Variants in CX3CR1 observed in about 807,000 individuals in gnomAD.
CX3CR1 encodes C-X3-C motif chemokine receptor 1.
For missense variants in CX3CR1, 363 were observed against 432.4 expected, an observed-to-expected ratio of 0.84 and a Z score of 1.42; for synonymous variants, 168 against 178.5, an observed-to-expected ratio of 0.94 and a Z score of 0.47.
Position 39,266,272 on chromosome 3 carries a change from A to T in CX3CR1, c.238T>A (p.Phe80Ile), listed in dbSNP as rs747517244. The T allele has an allele frequency of 6.2e-7, 1 of 1,614,236 alleles. No individual in the cohort carries two copies. Among genetic ancestry groups the T allele is most frequent in the Admixed American group, 1.7e-5 (1 of 60,022 alleles). Residue 80 changes from phenylalanine (F) to isoleucine (I), a missense_variant, in exon 2 of 2, where the codon TTT (phenylalanine) becomes ATT (isoleucine). Physicochemically the swap from Phe to Ile is conservative, Grantham distance 21 (BLOSUM62 0). Transcript: ENST00000399220. ...GTCCAGAAGGGCAAAGTGGCTACAA[A>T]CAGCAGATCAGACAAGGCCAGGTTC... Reference protein sequence around the residue: ...LLNLALSDLLFVATLPFWTHY... With the variant: ...LLNLALSDLLIVATLPFWTHY...
At chr3:39,266,614 A>AAAT in intron 1 of CX3CR1, 96 bp from the exon 2 acceptor site, 2 of 1,227,058 alleles carry the variant, frequency 1.6e-6, no homozygotes, top group Non-Finnish European at 2.4e-6. Flanking sequence ...AGGAAGAAAC[A>AAAT]AATATTGGTT....
At chr3:39,278,485 C>T (rs2125556263) in intron 1 of CX3CR1, among the ~76,000 whole-genome samples, 1 of 152,274 alleles carries the variant, frequency 6.6e-6, no homozygotes, top group East Asian at 1.9e-4. Flanking sequence ...TGCCTCCTCT[C>T]AGGAAACCCA....
At chr3:39,287,754 A>AT in the CX3CR1 span, 1 of 152,250 alleles carries the variant, frequency 6.6e-6, no homozygotes, top group Non-Finnish European at 1.5e-5. Flanking sequence ...TTTTACCCAC[A>AT]TGCAAAAGAG....
chr3:39,281,461 CCA>C, upstream of CX3CR1: 2 of 794,956 alleles, frequency 2.5e-6, no homozygotes, highest in South Asian at 1.7e-5. Context: ...TCTTCCTGTC[CCA>C]CACTCTTGAC....
intron 1 of CX3CR1, among the ~76,000 whole-genome samples, chr3:39,268,959 T>C (rs1361821531): frequency 6.6e-6 from 1 of 152,240 alleles, no homozygotes; most frequent in Non-Finnish European, 1.5e-5. Context: ...GACTCCCATG[T>C]TCCACCTCCA....
At chr3:39,270,171 C>T (rs1402145661) in intron 1 of CX3CR1, among the ~76,000 whole-genome samples, 4 of 152,198 alleles carry the variant, frequency 2.6e-5, no homozygotes, top group Non-Finnish European at 4.4e-5. Flanking sequence ...GACTCGATGA[C>T]TATCAAACAG....
chr3:39,283,843 T>TATATATATATATATA (rs1351970787), upstream of CX3CR1, among the ~76,000 whole-genome samples: 5 of 74,126 alleles, frequency 6.7e-5, no homozygotes, highest in Non-Finnish European at 1.1e-4. Flanking sequence ...ATATATATAA[T>TATATATATATATATA]GTGGTTAATA....
chr3:39,290,221 G>T, the CX3CR1 span, among the ~76,000 whole-genome samples: 1 of 152,298 alleles, frequency 6.6e-6, no homozygotes, highest in African/African-American at 2.4e-5. Flanking sequence ...TCTAGATCAG[G>T]CACTGTCAAA....
chr3:39,288,749 T>C, the CX3CR1 span, among the ~76,000 whole-genome samples: 1 of 152,234 alleles, frequency 6.6e-6, no homozygotes. Flanking sequence ...AGTTTTGTGA[T>C]GAGCCAGCCG....
chr3:39,270,756 G>GT (rs1249680324), intron 1 of CX3CR1, among the ~76,000 whole-genome samples: 1 of 152,142 alleles, frequency 6.6e-6, no homozygotes, highest in Non-Finnish European at 1.5e-5. Flanking sequence ...TTTTGGAAAT[G>GT]TTTTTTACCA....
At position 39,274,351 on chromosome 3, in the gene CX3CR1, C is replaced by G. The variant is rs139560717; in HGVS notation, c.-10+5603G>C. ...TAAGGAAACATTTTATACCCCATCC[C>G]CTATGCAAGTAAATTCAGTGACTAT... On this transcript the variant is annotated intron_variant, in intron 1 of 1. Coordinates refer to ENST00000399220, the MANE Select transcript of CX3CR1 (RefSeq NM_001337.4). Among the ~76,000 whole-genome samples, 73 of 152,058 alleles carry G rather than the reference C, an allele frequency of 4.8e-4. No individual in the cohort carries two copies. The East Asian group carries it at 0.014, about 29-fold the overall frequency.
chr3:39,277,534 G>A (rs536352769), intron 1 of CX3CR1, among the ~76,000 whole-genome samples: 1 of 152,190 alleles, frequency 6.6e-6, no homozygotes, highest in Non-Finnish European at 1.5e-5. Context: ...TCCATTACAG[G>A]TGCTGGTTCC....
the CX3CR1 span, chr3:39,287,263 A>G: frequency 6.6e-6 from 1 of 152,128 alleles, no homozygotes; most frequent in African/African-American, 2.4e-5. Context: ...AATCACACTC[A>G]CAGTTTTATC....
At chr3:39,269,379 A>G (rs908213809) in intron 1 of CX3CR1, among the ~76,000 whole-genome samples, 5 of 152,178 alleles carry the variant, frequency 3.3e-5, no homozygotes, top group Non-Finnish European at 7.3e-5. Context: ...AATTTGCACC[A>G]AGTCTCCATA....
chr3:39,290,458 T>G, the CX3CR1 span, among the ~76,000 whole-genome samples: 1 of 152,194 alleles, frequency 6.6e-6, no homozygotes, highest in Non-Finnish European at 1.5e-5. Flanking sequence ...TTTCACTTTC[T>G]TTTTTCATAT....
intron 1 of CX3CR1, among the ~76,000 whole-genome samples, chr3:39,270,340 T>C (rs1455300236): frequency 1.3e-5 from 2 of 152,242 alleles, no homozygotes; most frequent in East Asian, 3.8e-4. Context: ...CAAGCAAGTG[T>C]GTACACTGTC....
chr3:39,280,876 A>G (rs964831669), upstream of CX3CR1, among the ~76,000 whole-genome samples: 1 of 152,168 alleles, frequency 6.6e-6, no homozygotes, highest in Non-Finnish European at 1.5e-5. Context: ...CGATCACTTC[A>G]TTACCTGCCT....
In CX3CR1 at chr3:39,266,445, T is replaced by C. The variant is rs142211026; in HGVS notation, c.65A>G (p.Tyr22Cys). The change falls in exon 2 of 2, where the codon TAT (tyrosine) becomes TGT (cysteine). Residue 22 changes from tyrosine (Y) to cysteine (C), a missense_variant. By Grantham distance (194) the Tyr-to-Cys change is radical (BLOSUM62 -2). Coordinates refer to ENST00000399220, the MANE Select transcript of CX3CR1 (RefSeq NM_001337.4). ...CCCAAAGACCACGATGTCCCCAATA[T>C]AACAGGCCTCAGCCAAATCATCGTA... ...FEYDDLAEACYIGDIVVFGTV... is the reference protein window; with the variant it reads ...FEYDDLAEACCIGDIVVFGTV... 2 of 1,614,142 alleles carry C rather than the reference T, an allele frequency of 1.2e-6. No homozygotes were observed. Among genetic ancestry groups the C allele is most frequent in the Non-Finnish European group, 1.7e-6 (2 of 1,180,014 alleles).
upstream of CX3CR1, among the ~76,000 whole-genome samples, chr3:39,284,071 T>G (rs1575213468): frequency 6.6e-6 from 1 of 151,830 alleles, no homozygotes; most frequent in Middle Eastern, 3.4e-3. Context: ...TCATGTAACC[T>G]ACAAACATAT....
Sources: allele counts gnomAD v4.1 joint callset (sites outside exome capture counted in the v4.1 genomes callset), GRCh38; gene constraint gnomAD v4.1.1; transcripts MANE v1.5; gene names NCBI Gene and HGNC (gene_info 2026-07-23, HGNC 2026-07-21).